Variants in SIL1 observed in about 807,000 individuals in gnomAD.
SIL1 encodes SIL1 nucleotide exchange factor.
In SIL1, 40 loss-of-function variants were observed where a neutral mutation model predicts 49.1. That is an observed-to-expected ratio of 0.81 (90% CI 0.63 to 1.06). SIL1 has a LOEUF of 1.06. Ranked by LOEUF, SIL1 falls within the 50% of genes least tolerant of loss-of-function variation. The pLI is 0.00. For missense variants in SIL1, 500 were observed against 572.6 expected (o/e 0.87, Z 1.29); for synonymous variants, 253 against 250.8 (o/e 1.01, Z -0.08).
chr5:139,084,786 AAAATAAAAAT>A (rs1226178570), intron 3 of SIL1, among the ~76,000 whole-genome samples: 11 of 151,090 alleles, frequency 7.3e-5, no homozygotes, highest in East Asian at 3.9e-4. Context: ...GAGTATAATA[AAAATAAAAAT>A]AAATAAAAAA....
intron 3 of SIL1, among the ~76,000 whole-genome samples, chr5:139,114,166 G>A (rs1770935736): frequency 6.6e-6 from 1 of 152,232 alleles, no homozygotes; most frequent in Non-Finnish European, 1.5e-5. Context: ...TGTCAGAGCA[G>A]AACTCAGCCA....
At chr5:139,122,902 A>T (rs950880737) in intron 2 of SIL1, among the ~76,000 whole-genome samples, 2 of 152,226 alleles carry the variant, frequency 1.3e-5, no homozygotes, top group Non-Finnish European at 2.9e-5. Flanking sequence ...ATAGTGCTTA[A>T]GATGCTGGAA....
chr5:139,095,266 T>C (rs1447973633), intron 3 of SIL1, among the ~76,000 whole-genome samples: 1 of 97,466 alleles, frequency 1.0e-5, no homozygotes, highest in Non-Finnish European at 2.0e-5. Flanking sequence ...ATTGGAATTC[T>C]TTTTTTTTTT....
At chr5:139,069,900 C>T (rs1018011188) in intron 3 of SIL1, among the ~76,000 whole-genome samples, 1 of 152,136 alleles carries the variant, frequency 6.6e-6, no homozygotes. Flanking sequence ...TACCAAAGTG[C>T]TTTGGGATGT....
chr5:138,975,583 C>T (rs562072797), intron 7 of SIL1, among the ~76,000 whole-genome samples: 1 of 152,326 alleles, frequency 6.6e-6, no homozygotes, highest in African/African-American at 2.4e-5. Context: ...CACCAGCGAT[C>T]CCAGCCTTTG....
intron 7 of SIL1, among the ~76,000 whole-genome samples, chr5:139,018,832 A>T (rs1376771880): frequency 6.6e-6 from 1 of 152,056 alleles, no homozygotes; most frequent in African/African-American, 2.4e-5. Flanking sequence ...ATTATTTGAT[A>T]CTCACTCAAT....
intron 1 of SIL1, among the ~76,000 whole-genome samples, chr5:139,184,500 C>T (rs973054372): frequency 1.3e-5 from 2 of 151,998 alleles, no homozygotes; most frequent in South Asian, 4.2e-4. Context: ...TAGCAAAACC[C>T]CATCTCTACA....
intron 5 of SIL1, 71 bp downstream of exon 5, chr5:139,042,549 T>C (rs1769069308): frequency 7.9e-7 from 1 of 1,272,380 alleles, no homozygotes; most frequent in Non-Finnish European, 1.2e-6. Context: ...CCCATAAAAA[T>C]GATTCCATTC....
chr5:139,064,293 G>C (rs911581293), intron 3 of SIL1, among the ~76,000 whole-genome samples: 3 of 152,212 alleles, frequency 2.0e-5, no homozygotes, highest in African/African-American at 7.2e-5. Context: ...AATTCTTAGG[G>C]TAGAATTTCT....
At chr5:139,066,803 T>C (rs1250895744) in intron 3 of SIL1, among the ~76,000 whole-genome samples, 1 of 152,116 alleles carries the variant, frequency 6.6e-6, no homozygotes, top group Non-Finnish European at 1.5e-5. Flanking sequence ...CCTCCCAGGC[T>C]CGAGTGATCA....
chr5:139,041,863 G>A (rs1415477904), intron 5 of SIL1, among the ~76,000 whole-genome samples: 4 of 150,994 alleles, frequency 2.6e-5, no homozygotes, highest in Non-Finnish European at 5.9e-5. Flanking sequence ...ACTGTAAGGA[G>A]AAGAGGGAGG....
chr5:139,089,834 T>G (rs545131065), intron 3 of SIL1, among the ~76,000 whole-genome samples: 74 of 152,332 alleles, frequency 4.9e-4, no homozygotes, highest in Non-Finnish European at 9.0e-4. Context: ...TCAGCGGGTA[T>G]GGGATTTCCT....
chr5:139,147,754 C>T (rs917668978), intron 1 of SIL1, among the ~76,000 whole-genome samples: 1 of 152,218 alleles, frequency 6.6e-6, no homozygotes, highest in African/African-American at 2.4e-5. Context: ...TATTAAAAAG[C>T]ACTAATTAGC....
At chr5:139,167,431 A>G (rs1435581932) in intron 1 of SIL1, among the ~76,000 whole-genome samples, 2 of 152,166 alleles carry the variant, frequency 1.3e-5, no homozygotes, top group Non-Finnish European at 2.9e-5. Context: ...AATGATCCTG[A>G]CCCTGTGTAG....
intron 7 of SIL1, among the ~76,000 whole-genome samples, chr5:138,957,955 G>A (rs6889585): frequency 0.067 from 9,899 of 147,944 alleles, 1,007 homozygotes; most frequent in African/African-American, 0.22. Flanking sequence ...GGGTTCTCAC[G>A]ATATTGCCCA....
chr5:139,083,161 A>G (rs1295837900), intron 3 of SIL1, among the ~76,000 whole-genome samples: 2 of 152,194 alleles, frequency 1.3e-5, no homozygotes, highest in African/African-American at 2.4e-5. Context: ...GGGGAAGGGG[A>G]ATATAAGTAA....
At chr5:139,143,338 C>CATATATATAT (rs1251442889) in intron 1 of SIL1, among the ~76,000 whole-genome samples, 164 of 84,136 alleles carry the variant, frequency 1.9e-3, no homozygotes, top group East Asian at 3.1e-3. Flanking sequence ...CACACACACA[C>CATATATATAT]ACACACATAT....
chr5:138,983,589 A>G (rs1767581111), intron 7 of SIL1, among the ~76,000 whole-genome samples: 1 of 151,918 alleles, frequency 6.6e-6, no homozygotes, highest in Non-Finnish European at 1.5e-5. Flanking sequence ...GGAGGCAGAG[A>G]AAGGACAGGT....
chr5:139,049,811 AATC>A (rs1410202701), intron 4 of SIL1, among the ~76,000 whole-genome samples: 8 of 151,766 alleles, frequency 5.3e-5, no homozygotes, highest in Non-Finnish European at 1.0e-4. Flanking sequence ...AAAAAAAAAA[AATC>A]ATCATCATCA....
Sources: gnomAD v4.1 joint callset for allele counts (sites outside exome capture counted in the v4.1 genomes callset) on GRCh38, gnomAD v4.1.1 for gene constraint, MANE v1.5 for transcripts, NCBI Gene and HGNC (gene_info 2026-07-23, HGNC 2026-07-21) for gene names.